The following FSTL4 variants were observed in gnomAD, a reference collection of about 807,000 sequenced individuals.
FSTL4 encodes follistatin-related protein 4.
FSTL4 carries 28 observed loss-of-function variants against 78.2 expected under a neutral mutation model. The ratio of observed to expected loss-of-function variants is 0.36; its 90% CI spans 0.27 to 0.49. The LOEUF (loss-of-function observed/expected upper bound fraction) is 0.49, where lower values mean the gene tolerates loss of function less well. FSTL4 is among the 20% of genes least tolerant of loss of function. FSTL4 has a pLI of 0.98. For synonymous variants in FSTL4, 422 were observed against 440.5 expected, an observed-to-expected ratio of 0.96 and a Z score of 0.53; for missense variants, 922 against 1,084.9, an observed-to-expected ratio of 0.85 and a Z score of 2.11.
At chr5:133,412,400 C>T (rs955998929) in intron 3 of FSTL4, among the ~76,000 whole-genome samples, 7 of 152,172 alleles carry the variant, frequency 4.6e-5, no homozygotes, top group African/African-American at 1.7e-4. Flanking sequence ...AGAGTTACCA[C>T]TCCAATGGGA....
chr5:133,454,392 T>A (rs951363287), intron 3 of FSTL4, among the ~76,000 whole-genome samples: 5 of 152,340 alleles, frequency 3.3e-5, no homozygotes, highest in Middle Eastern at 3.4e-3. Flanking sequence ...AAGCTTCAGC[T>A]GGAAGGGTGC....
intron 2 of FSTL4, among the ~76,000 whole-genome samples, chr5:133,594,341 C>T (rs1036045174): frequency 5.9e-5 from 9 of 152,188 alleles, no homozygotes; most frequent in Non-Finnish European, 1.0e-4. Context: ...CAGGTGTGTG[C>T]CACCATGCCC....
chr5:133,632,738 T>A, the FSTL4 span, among the ~76,000 whole-genome samples: 1 of 152,132 alleles, frequency 6.6e-6, no homozygotes, highest in Non-Finnish European at 1.5e-5. Flanking sequence ...CAGCCTGGGG[T>A]GCAGTGGCAT....
chr5:133,671,322 G>C, the FSTL4 span, among the ~76,000 whole-genome samples: 1 of 152,072 alleles, frequency 6.6e-6, no homozygotes, highest in Admixed American at 6.6e-5. Context: ...CTCAAGTTTG[G>C]TATGGTTTGC....
chr5:133,491,299 G>T (rs1267018169), intron 3 of FSTL4, among the ~76,000 whole-genome samples: 1 of 151,906 alleles, frequency 6.6e-6, no homozygotes, highest in African/African-American at 2.4e-5. Context: ...ATTATTATGT[G>T]TTCCCAGTGA....
At chr5:133,819,923 C>T in the FSTL4 span, among the ~76,000 whole-genome samples, 3 of 152,152 alleles carry the variant, frequency 2.0e-5, no homozygotes, top group Middle Eastern at 3.2e-3. Context: ...GCAGCCCCAT[C>T]GGGCATTAGT....
the FSTL4 span, among the ~76,000 whole-genome samples, chr5:133,671,701 T>C: frequency 2.0e-5 from 3 of 152,140 alleles, no homozygotes; most frequent in Non-Finnish European, 2.9e-5. Context: ...TTTGTCCTGA[T>C]TGGCTAGCAA....
chr5:133,274,349 T>C (rs1752830356), intron 6 of FSTL4, among the ~76,000 whole-genome samples: 1 of 126,718 alleles, frequency 7.9e-6, no homozygotes, highest in Non-Finnish European at 1.6e-5. Flanking sequence ...TGCTTATTAA[T>C]ATCTCATTCT....
the FSTL4 span, among the ~76,000 whole-genome samples, chr5:133,691,771 A>G: frequency 6.6e-6 from 1 of 152,104 alleles, no homozygotes; most frequent in African/African-American, 2.4e-5. Context: ...ACAGGAAGCC[A>G]CAGCCTGCAC....
At chr5:133,233,304 T>G in intron 8 of FSTL4, 113 bp downstream of exon 8, 2 of 1,141,784 alleles carry the variant, frequency 1.8e-6, no homozygotes, top group Non-Finnish European at 2.6e-6. Flanking sequence ...ATGATATATT[T>G]TGGGGTTAGA....
the FSTL4 span, among the ~76,000 whole-genome samples, chr5:133,831,959 G>C: frequency 1.3e-5 from 2 of 152,306 alleles, no homozygotes; most frequent in East Asian, 1.9e-4. Context: ...ATAACTACAC[G>C]GTGGAGCTCC....
chr5:133,208,328 C>T (rs1750592260), intron 14 of FSTL4: 1 of 152,130 alleles, frequency 6.6e-6, no homozygotes, highest in Admixed American at 6.5e-5. Flanking sequence ...CACGGTCTTC[C>T]AGCTCCTATT....
the FSTL4 span, among the ~76,000 whole-genome samples, chr5:133,840,916 C>A: frequency 1.3e-5 from 2 of 152,260 alleles, no homozygotes; most frequent in Admixed American, 1.3e-4. Context: ...ACTTGCTGTG[C>A]AGGTTTGTGT....
At chr5:133,727,252 T>G in the FSTL4 span, among the ~76,000 whole-genome samples, 1 of 152,152 alleles carries the variant, frequency 6.6e-6, no homozygotes, top group Non-Finnish European at 1.5e-5. Context: ...AGATTTAGCT[T>G]GACCCTAGTG....
At chr5:133,835,571 T>C in the FSTL4 span, among the ~76,000 whole-genome samples, 2 of 152,204 alleles carry the variant, frequency 1.3e-5, no homozygotes, top group African/African-American at 2.4e-5. Context: ...AGATCTCTCT[T>C]AGTGAGTAAT....
At chr5:133,829,608 G>C in the FSTL4 span, among the ~76,000 whole-genome samples, 2 of 152,184 alleles carry the variant, frequency 1.3e-5, no homozygotes, top group South Asian at 2.1e-4. Flanking sequence ...TGTGTTGTCA[G>C]GGGGAGAGAA....
At chr5:133,600,444 T>C (rs1760840616) in intron 2 of FSTL4, among the ~76,000 whole-genome samples, 2 of 151,926 alleles carry the variant, frequency 1.3e-5, no homozygotes, top group Admixed American at 1.3e-4. Flanking sequence ...ATAACAACAT[T>C]TCATTATTTC....
At chr5:133,329,738 C>A (rs1215800129) in intron 4 of FSTL4, among the ~76,000 whole-genome samples, 2 of 152,226 alleles carry the variant, frequency 1.3e-5, no homozygotes, top group Non-Finnish European at 2.9e-5. Context: ...TTTGGCAACA[C>A]CCTCACAGAC....
intron 4 of FSTL4, among the ~76,000 whole-genome samples, chr5:133,327,154 A>C (rs1754233511): frequency 6.6e-6 from 1 of 152,222 alleles, no homozygotes; most frequent in South Asian, 2.1e-4. Flanking sequence ...GGGCCTCAGG[A>C]AACTCAACGA....
Sources: allele counts gnomAD v4.1 joint callset (sites outside exome capture counted in the v4.1 genomes callset), GRCh38; gene constraint gnomAD v4.1.1; transcripts MANE v1.5; gene names NCBI Gene and HGNC (gene_info 2026-07-23, HGNC 2026-07-21).